PSG3: variants seen among roughly 807,000 people sequenced by gnomAD.
The protein encoded by PSG3 is pregnancy specific beta-1-glycoprotein 3, also known as pregnancy-specific beta-1-glycoprotein 3.
PSG3 carries 61 observed loss-of-function variants against 47.5 expected under a neutral mutation model. The ratio of observed to expected loss-of-function variants is 1.28; its 90% CI spans 1.05 to 1.59. PSG3 has a LOEUF of 1.59. Ranked by LOEUF, PSG3 falls within the 40% of genes most tolerant of loss-of-function variation. The pLI is 0.00. For synonymous variants in PSG3, 263 were observed against 198.4 expected, an observed-to-expected ratio of 1.33 and a Z score of -2.74; for missense variants, 756 against 524.0, an observed-to-expected ratio of 1.44 and a Z score of -4.32.
chr19:42,738,653 C>A lies in PSG3; in HGVS notation c.430+71G>T. ...GAGAGGGACACAGGCACAATCCAGG[C>A]CTGACAATCCTTTGTGTGTGAAGTA... On this transcript the variant is annotated intron_variant, in intron 2 of 6. Coordinates refer to ENST00000327495, the MANE Select transcript of PSG3 (RefSeq NM_021016.4). 2.5e-6 allele frequency: 4 copies of A among 1,611,676 alleles called. No individual in the cohort carries two copies. In the South Asian group the frequency reaches 4.4e-5, roughly 18 times the overall value.
chr19:42,739,191 A>ACAAC, intron 1 of PSG3, 102 bp from the exon 2 acceptor site: 1 of 1,429,566 alleles, frequency 7.0e-7, no homozygotes, highest in South Asian at 1.4e-5. Context: ...CTCAGCTTTG[A>ACAAC]AGAGACACAC....
Position 42,739,173 on chromosome 19 carries a change from C to G in PSG3, c.65-84G>C, listed in dbSNP as rs73547135. 4,158 of 1,471,364 alleles carry G rather than the reference C, an allele frequency of 2.8e-3. 115 individuals carry two copies. In the African/African-American group the frequency reaches 0.052, roughly 18 times the overall value. The allele number at this position is 1,471,364 out of a possible 1,614,324, so 91.1% of individuals were successfully genotyped here. A position where few individuals can be genotyped will look rare whatever the true frequency, so the allele number is the denominator to read the frequency against. On this transcript the variant is annotated intron_variant, in intron 1 of 6. Coordinates refer to ENST00000327495, the MANE Select transcript of PSG3 (RefSeq NM_021016.4). ...GTGGCCCTGGGTCCTGAGAAGGTCT[C>G]TTCAATCCTCAGCTTTGAAGAGACA...
chr19:42,725,749 A>G (rs1969365794), intron 5 of PSG3, among the ~76,000 whole-genome samples: 1 of 152,024 alleles, frequency 6.6e-6, no homozygotes, highest in Non-Finnish European at 1.5e-5. Flanking sequence ...CTGTAGTCCT[A>G]GCATCTTGGG....
At position 42,739,015 on chromosome 19, in the gene PSG3, T is replaced by C. The variant is rs1483288044; in HGVS notation, c.139A>G (p.Lys47Glu). 16 of 1,613,920 alleles carry C rather than the reference T, an allele frequency of 9.9e-6. No individual in the cohort carries two copies. Among genetic ancestry groups the C allele is most frequent in the South Asian group, 6.6e-5 (6 of 91,054 alleles). ...TIEAEPTKVSKGKDVLLLVHN... is the reference protein window; with the variant it reads ...TIEAEPTKVSEGKDVLLLVHN... Reference sequence around the variant, plus strand: ...ACAAGTAGAAGAACGTCCTTCCCCTTGGAAACTTTGGTTGGCTCGGCTTCA... The same window carrying C: ...ACAAGTAGAAGAACGTCCTTCCCCTCGGAAACTTTGGTTGGCTCGGCTTCA... The change falls in exon 2 of 7, where the codon AAG (lysine) becomes GAG (glutamate). Residue 47 changes from lysine (K) to glutamate (E), a missense_variant. Physicochemically the swap from Lys to Glu is moderately conservative, Grantham distance 56. Transcript: ENST00000327495.
chr19:42,732,560 G>A, intron 3 of PSG3: 3 of 1,088,518 alleles, frequency 2.8e-6, no homozygotes, highest in Non-Finnish European at 2.6e-6. Flanking sequence ...CCCATCACAA[G>A]CTGTGGACGC....
chr19:42,733,004 C>T lies in PSG3; in HGVS notation c.489G>A (p.Glu163=), dbSNP rs1341928678. ...CAGGATCACAGGTTAAGCTCACAGCCTCCATGTCCTCCCTGGGGTATAAGT... is the reference window on the plus strand; with the variant it reads ...CAGGATCACAGGTTAAGCTCACAGCTTCCATGTCCTCCCTGGGGTATAAGT... ...SSNLYPREDM[E]AVSLTCDPET... The change falls in exon 3 of 7, where the codon GAG becomes GAA. Residue 163 remains glutamate, a synonymous_variant. Transcript: ENST00000327495. 9.9e-6 allele frequency: 16 copies of T among 1,614,060 alleles called. No homozygotes were observed. Among genetic ancestry groups the T allele is most frequent in the Non-Finnish European group, 1.4e-5 (16 of 1,180,038 alleles).
In PSG3 at chr19:42,737,056, G is replaced by T. The variant is rs1464525370; in HGVS notation, c.430+1668C>A. On this transcript the variant is annotated intron_variant, in intron 2 of 6. Coordinates refer to ENST00000327495, the MANE Select transcript of PSG3 (RefSeq NM_021016.4). ...ACACAGAGAAGCAGAGAGAGGCAGAGACACCATGGCAGTGAGCAGTGAGGG... is the reference window on the plus strand; with the variant it reads ...ACACAGAGAAGCAGAGAGAGGCAGATACACCATGGCAGTGAGCAGTGAGGG... 3.9e-5 allele frequency among the ~76,000 whole-genome samples: 6 copies of T among 152,078 alleles called. No individual in the cohort carries two copies. The East Asian group carries it at 7.7e-4, about 20-fold the overall frequency.
At chr19:42,736,686 C>A (rs1969569632) in intron 2 of PSG3, among the ~76,000 whole-genome samples, 1 of 147,592 alleles carries the variant, frequency 6.8e-6, no homozygotes, top group Non-Finnish European at 1.5e-5. Context: ...ACTTGTCTGG[C>A]AATTATAAGA....
chr19:42,738,691 C>A (rs186984405), intron 2 of PSG3, 33 bp downstream of exon 2: 1 of 1,612,540 alleles, frequency 6.2e-7, no homozygotes. Flanking sequence ...GACCCCATCC[C>A]CCAACACCCA....
intron 1 of PSG3, 121 bp downstream of exon 1, chr19:42,740,200 C>G: frequency 6.3e-7 from 1 of 1,588,394 alleles, no homozygotes; most frequent in Non-Finnish European, 8.6e-7. Context: ...GATCCACCCT[C>G]CTCAGCCTCC....
intron 6 of PSG3, 41 bp downstream of exon 6, chr19:42,723,901 T>G: frequency 6.9e-7 from 1 of 1,457,560 alleles, no homozygotes; most frequent in African/African-American, 1.4e-5. Flanking sequence ...GCATGGCAGT[T>G]AGCCCTGCAG....
At chr19:42,726,898 A>T (rs1969386642) in intron 5 of PSG3, among the ~76,000 whole-genome samples, 1 of 152,244 alleles carries the variant, frequency 6.6e-6, no homozygotes, top group Non-Finnish European at 1.5e-5. Flanking sequence ...ACAAAGCCCC[A>T]GTAATCAATA....
chr19:42,733,534 T>G, intron 2 of PSG3: 1 of 172,094 alleles, frequency 5.8e-6, no homozygotes, highest in Admixed American at 5.4e-5. Context: ...TTTAAACCCT[T>G]TGGATACTGG....
intron 2 of PSG3, among the ~76,000 whole-genome samples, chr19:42,738,048 A>T (rs1264902262): frequency 6.6e-6 from 1 of 152,190 alleles, no homozygotes; most frequent in Admixed American, 6.5e-5. Context: ...TTCTGGGGAC[A>T]TTAGACTTTC....
intron 5 of PSG3, among the ~76,000 whole-genome samples, chr19:42,726,351 A>C (rs1006904997): frequency 1.3e-5 from 2 of 152,210 alleles, no homozygotes; most frequent in Admixed American, 6.5e-5. Context: ...GAGTAAAATT[A>C]TTTCTGTTTA....
At chr19:42,728,682 A>G (rs1969414148) in intron 5 of PSG3, among the ~76,000 whole-genome samples, 1 of 152,154 alleles carries the variant, frequency 6.6e-6, no homozygotes. Flanking sequence ...TCCCTCACCC[A>G]AGGGGCTTCC....
At position 42,732,874 on chromosome 19, in the gene PSG3, C is replaced by G. The variant is rs750696534; in HGVS notation, c.619G>C (p.Val207Leu). ...TAGGGTCCTGCAGTGTACTTTGTGA[C>G]ACCAAATAGAAAGAGGGTCCTTTTG... ...KNKRTLFLFG[V>L]TKYTAGPYEC... Residue 207 changes from valine (V) to leucine (L), a missense_variant, in exon 3 of 7, where the codon GTC becomes CTC. Coordinates refer to ENST00000327495, the MANE Select transcript of PSG3 (RefSeq NM_021016.4). 1.9e-6 allele frequency: 3 copies of G among 1,614,154 alleles called. No individual in the cohort carries two copies. Among genetic ancestry groups the G allele is most frequent in the East Asian group, 4.5e-5 (2 of 44,882 alleles).
At position 42,729,177 on chromosome 19, in the gene PSG3, G is replaced by A. The variant is rs149820484; in HGVS notation, c.1189C>T (p.Arg397Cys). 389 of 1,613,840 alleles carry A rather than the reference G, an allele frequency of 2.4e-4. No homozygotes were observed. The highest frequency in any genetic ancestry group is 3.1e-4 in the Non-Finnish European group (367 of 1,179,868). ...KHSGLYACSV[R>C]NSATGMESSK... is the part of the protein sequence containing the mutation. The stretch of plus-strand genomic sequence containing the variant: ...CTTTCCATGCCAGTGGCTGAGTTAC[G>A]AACAGAGCAAGCATAGAGCCCGCTA... Residue 397 changes from arginine to cysteine, a missense_variant, in exon 5 of 7, where the codon CGT becomes TGT. Physicochemically the swap from Arg to Cys is radical, Grantham distance 180. Coordinates refer to ENST00000327495, the MANE Select transcript of PSG3 (RefSeq NM_021016.4).
rs2122153083 is a variant in PSG3 at position 42,721,939 on chromosome 19, A to C, written c.*192T>G. On this transcript the variant is annotated 3_prime_UTR_variant, in exon 7 of 7. Coordinates refer to ENST00000327495, the MANE Select transcript of PSG3 (RefSeq NM_021016.4). ...TATCAGCCTGTTCATTAAAATTTTG[A>C]AAGTTCTTAGTCCAGTGGTATGATC... 1 of 415,372 alleles carries C rather than the reference A, an allele frequency of 2.4e-6. No homozygotes were observed. The highest frequency in any genetic ancestry group is 3.6e-5 in the East Asian group (1 of 27,964). 25.7% of individuals were successfully genotyped at this position (415,372 alleles called of 1,614,324 possible).
Sources: allele counts gnomAD v4.1 joint callset (sites outside exome capture counted in the v4.1 genomes callset), GRCh38; gene constraint gnomAD v4.1.1; transcripts MANE v1.5; gene names NCBI Gene and HGNC (gene_info 2026-07-23, HGNC 2026-07-21).